The following SAMD12 variants were observed in gnomAD, a reference collection of about 807,000 sequenced individuals.
SAMD12 encodes the protein sterile alpha motif domain-containing protein 12.
In SAMD12, 9 loss-of-function variants were observed where a neutral mutation model predicts 15.0. The observed-to-expected ratio is 0.60, with a 90% CI of 0.36 to 1.05. SAMD12 has a LOEUF of 1.05. Among genes scored for constraint, SAMD12 ranks in the 50% least tolerant of loss-of-function variants. SAMD12 has a pLI of 0.01. For missense variants in SAMD12, 230 were observed against 234.2 expected (o/e 0.98, Z 0.12); for synonymous variants, 86 against 90.1 (o/e 0.96, Z 0.25).
At chr8:118,599,529 C>T (rs947057225) in intron 1 of SAMD12, among the ~76,000 whole-genome samples, 1 of 152,202 alleles carries the variant, frequency 6.6e-6, no homozygotes, top group Admixed American at 6.5e-5. Context: ...AAGGCTCCCG[C>T]TCGTGGGGTG....
intron 4 of SAMD12, among the ~76,000 whole-genome samples, chr8:118,204,342 G>A (rs1819801821): frequency 1.3e-5 from 2 of 152,142 alleles, no homozygotes; most frequent in African/African-American, 4.8e-5. Context: ...CTGGTCCCAT[G>A]TCTGCCACTC....
chr8:118,197,580 T>C, exon 5 of SAMD12: 2 of 851,804 alleles, frequency 2.3e-6, no homozygotes, highest in Non-Finnish European at 4.0e-6. Flanking sequence ...GGTGCTTTTT[T>C]CAGTTAATCC....
At chr8:118,523,436 C>T (rs757041651) in intron 2 of SAMD12, among the ~76,000 whole-genome samples, 1 of 152,178 alleles carries the variant, frequency 6.6e-6, no homozygotes, top group Non-Finnish European at 1.5e-5. Context: ...CTTTTCACTG[C>T]TATCATGCCT....
chr8:118,503,037 C>T (rs1316790536), intron 2 of SAMD12, among the ~76,000 whole-genome samples: 2 of 152,118 alleles, frequency 1.3e-5, no homozygotes. Flanking sequence ...GTGTGTGAGG[C>T]AGAGATATTA....
intron 1 of SAMD12, among the ~76,000 whole-genome samples, chr8:118,598,196 T>A (rs1316747148): frequency 1.2e-4 from 18 of 152,234 alleles, no homozygotes; most frequent in Admixed American, 1.2e-3. Context: ...AAGCCACATT[T>A]GTTATGAACA....
At chr8:118,611,592 AC>A (rs1186775832) in intron 1 of SAMD12, among the ~76,000 whole-genome samples, 3 of 152,224 alleles carry the variant, frequency 2.0e-5, no homozygotes, top group Non-Finnish European at 1.5e-5. Context: ...AAAATCAAGT[AC>A]AAAGTACATC....
At chr8:118,478,139 T>C (rs1824017608) in intron 2 of SAMD12, among the ~76,000 whole-genome samples, 1 of 152,158 alleles carries the variant, frequency 6.6e-6, no homozygotes, top group South Asian at 2.1e-4. Context: ...ATATAAATCC[T>C]TTTATATCAA....
intron 4 of SAMD12, among the ~76,000 whole-genome samples, chr8:118,201,007 C>A (rs570567083): frequency 6.6e-6 from 1 of 152,186 alleles, no homozygotes; most frequent in African/African-American, 2.4e-5. Flanking sequence ...ACCCTTGAAC[C>A]TTAATCTTTC....
chr8:118,594,182 C>T (rs752110401), intron 1 of SAMD12, among the ~76,000 whole-genome samples: 4 of 151,046 alleles, frequency 2.6e-5, no homozygotes, highest in Non-Finnish European at 5.9e-5. Context: ...AAATGTCTTC[C>T]TAAAGAGGAG....
rs1458179288 is a variant in SAMD12, at chr8:118,230,047, T to C, written c.434-32315A>G. Among the ~76,000 whole-genome samples the C allele has an allele frequency of 1.3e-5, 2 of 151,604 alleles. 1 individual carries two copies. Among genetic ancestry groups the C allele is most frequent in the Admixed American group, 1.3e-4 (2 of 15,208 alleles). ...GGGTTACTGGCCTGGAAGAGAGGTATTTTGTGATGGTTGCCTTGACATCCC... is the reference window on the plus strand; with the variant it reads ...GGGTTACTGGCCTGGAAGAGAGGTACTTTGTGATGGTTGCCTTGACATCCC... On this transcript the variant is annotated intron_variant, in intron 4 of 4. Transcript: ENST00000409003.
chr8:118,501,760 T>C (rs1806839402), intron 2 of SAMD12, among the ~76,000 whole-genome samples: 1 of 152,204 alleles, frequency 6.6e-6, no homozygotes, highest in African/African-American at 2.4e-5. Context: ...CTCATGCCTG[T>C]AATCCCAGCA....
intron 4 of SAMD12, among the ~76,000 whole-genome samples, chr8:118,209,622 T>C (rs17507410): frequency 1.3e-5 from 2 of 152,060 alleles, no homozygotes; most frequent in Non-Finnish European, 2.9e-5. Context: ...ATCAGCAGGA[T>C]CTTGCAATTT....
intron 3 of SAMD12, among the ~76,000 whole-genome samples, chr8:118,432,472 T>A (rs370716001): frequency 1.3e-4 from 20 of 152,314 alleles, no homozygotes; most frequent in African/African-American, 4.3e-4. Context: ...GGGGCAGTCA[T>A]CAAGAGCTTT....
chr8:118,168,823 T>C, the SAMD12 span, among the ~76,000 whole-genome samples: 5 of 152,250 alleles, frequency 3.3e-5, no homozygotes, highest in Non-Finnish European at 5.9e-5. Context: ...GTGGAAATCA[T>C]GTCCCAGAGG....
intron 2 of SAMD12, among the ~76,000 whole-genome samples, chr8:118,473,819 TC>T (rs1164877363): frequency 6.6e-6 from 1 of 152,172 alleles, no homozygotes; most frequent in Non-Finnish European, 1.5e-5. Flanking sequence ...CTAGAATTTT[TC>T]CCATCACCCC....
chr8:118,379,196 C>T lies in SAMD12; in HGVS notation c.*221G>A. 1 of 1,335,760 alleles carries T rather than the reference C, an allele frequency of 7.5e-7. No homozygotes were observed. Among genetic ancestry groups the T allele is most frequent in the Non-Finnish European group, 9.6e-7 (1 of 1,043,092 alleles). The allele number at this position is 1,335,760 out of a possible 1,614,324, so 82.7% of individuals were successfully genotyped here. On this transcript the variant is annotated 3_prime_UTR_variant, in exon 4 of 4. Coordinates refer to ENST00000314727, the MANE Select transcript of SAMD12 (RefSeq NM_207506.3). ...GCAGGTGAAGATAGCTACAGCTGGA[C>T]TGTACAGTTGTGCAGGCTGCACATT...
intron 2 of SAMD12, among the ~76,000 whole-genome samples, chr8:118,531,503 A>G (rs1265547368): frequency 3.3e-5 from 5 of 152,130 alleles, no homozygotes; most frequent in East Asian, 1.9e-4. Flanking sequence ...CATTGAATCT[A>G]TAAATTACCT....
chr8:118,246,749 T>C (rs1194318442), intron 4 of SAMD12, among the ~76,000 whole-genome samples: 1 of 152,130 alleles, frequency 6.6e-6, no homozygotes, highest in Non-Finnish European at 1.5e-5. Flanking sequence ...AATTCTGGGA[T>C]ACAGGGAATG....
chr8:118,295,361 T>C (rs772221324), intron 4 of SAMD12, among the ~76,000 whole-genome samples: 4 of 152,216 alleles, frequency 2.6e-5, no homozygotes, highest in Non-Finnish European at 5.9e-5. Flanking sequence ...GATAACATTT[T>C]TTATCATTCT....
Sources: allele counts gnomAD v4.1 joint callset (sites outside exome capture counted in the v4.1 genomes callset), GRCh38; gene constraint gnomAD v4.1.1; transcripts MANE v1.5; gene names NCBI Gene and HGNC (gene_info 2026-07-23, HGNC 2026-07-21).